The following KRT9 variants were observed in gnomAD, a reference collection of about 807,000 sequenced individuals.
KRT9 encodes keratin, type I cytoskeletal 9.
KRT9 carries 34 observed loss-of-function variants against 51.4 expected under a neutral mutation model. The ratio of observed to expected loss-of-function variants is 0.66; its 90% CI spans 0.50 to 0.88. The LOEUF (loss-of-function observed/expected upper bound fraction) is 0.88. KRT9 is among the 40% of genes least tolerant of loss of function. The pLI is 0.00. For missense variants in KRT9, 753 were observed against 790.3 expected (o/e 0.95, Z 0.57); for synonymous variants, 292 against 289.7 (o/e 1.01, Z -0.08).
rs1380566096 is a variant in KRT9, at chr17:41,569,342, A to G, written c.1044+84T>C. The G allele has an allele frequency of 1.5e-5, 20 of 1,314,380 alleles. No individual in the cohort carries two copies. The Admixed American group carries it at 3.8e-4, about 25-fold the overall frequency. The allele number at this position is 1,314,380 out of a possible 1,614,324, so 81.4% of individuals were successfully genotyped here. A position where few individuals can be genotyped will look rare whatever the true frequency, so the allele number is the denominator to read the frequency against. On this transcript the variant is annotated intron_variant, in intron 4 of 7. Coordinates refer to ENST00000246662, the MANE Select transcript of KRT9 (RefSeq NM_000226.4). ...CTGCACTGAGAGATGCAGAGATAGGAGGATGAAGGAATGGGAGGTGGGAGG... is the reference window on the plus strand; with the variant it reads ...CTGCACTGAGAGATGCAGAGATAGGGGGATGAAGGAATGGGAGGTGGGAGG...
chr17:41,566,717 G>T (rs1470866658), intron 7 of KRT9, among the ~76,000 whole-genome samples: 1 of 152,186 alleles, frequency 6.6e-6, no homozygotes, highest in Non-Finnish European at 1.5e-5. Context: ...TTTAGATTAT[G>T]TTCATCCTTT....
At chr17:41,571,094 T>A (rs202180973) in intron 1 of KRT9, among the ~76,000 whole-genome samples, 6 of 33,934 alleles carry the variant, frequency 1.8e-4, no homozygotes, top group Admixed American at 5.1e-4. Flanking sequence ...TCAGCTCACG[T>A]TAACCCAGGT....
rs150892974 is a variant in KRT9 at position 41,568,500 on chromosome 17, C to A, written c.1170+8G>T. On this transcript the variant is annotated splice_region_variant and intron_variant, in intron 5 of 7. Transcript: ENST00000246662. ...CCTTGGCAAAGGGTCTATAGCAGAA[C>A]TACCAACCTTGCTGAGCTGAGACTG... 8,880 of 1,614,210 alleles carry A rather than the reference C, an allele frequency of 5.5e-3. 23 individuals carry two copies. Among genetic ancestry groups the A allele is most frequent in the Non-Finnish European group, 6.6e-3 (7,751 of 1,180,040 alleles).
intron 6 of KRT9, 58 bp from the exon 7 acceptor site, chr17:41,567,808 G>T: frequency 6.2e-7 from 1 of 1,609,934 alleles, no homozygotes; most frequent in Non-Finnish European, 8.5e-7. Flanking sequence ...ACATATATGA[G>T]GATGGACCTG....
chr17:41,567,667 C>A lies in KRT9; in HGVS notation c.1478G>T (p.Ser493Ile). 6.2e-7 allele frequency: 1 copy of A among 1,611,816 alleles called. No individual in the cohort carries two copies. ...GSYGRGSRGG[S>I]GGSYGGGGSG... is the part of the protein sequence containing the mutation. ...TCCTCCTCCACCATAGCTGCCTCCA[C>A]TTCCTCCCCTGGATCCTCTTCCATA... Residue 493 changes from serine to isoleucine, a missense_variant, in exon 7 of 8, where the codon AGT becomes ATT. Ser to Ile is a moderately radical substitution (Grantham distance 142). Around this residue, in one of 3 missense-constraint regions of KRT9, gnomAD observed 507 missense variants for 563.7 expected, o/e 0.90. Coordinates refer to ENST00000246662, the MANE Select transcript of KRT9 (RefSeq NM_000226.4).
In KRT9 at chr17:41,572,011, C is replaced by G; in HGVS notation, c.-19G>C. 1 of 1,563,228 alleles carries G rather than the reference C, an allele frequency of 6.4e-7. No individual in the cohort carries two copies. The highest frequency in any genetic ancestry group is 8.6e-7 in the Non-Finnish European group (1 of 1,158,286). ...AGCTCATGACACAGCTGGTAGCTCACGGGTTGAGAAGCAGTGATAGGAGTG... is the reference window on the plus strand; with the variant it reads ...AGCTCATGACACAGCTGGTAGCTCAGGGGTTGAGAAGCAGTGATAGGAGTG... On this transcript the variant is annotated 5_prime_UTR_variant, in exon 1 of 8. Coordinates refer to ENST00000246662, the MANE Select transcript of KRT9 (RefSeq NM_000226.4).
At position 41,568,624 on chromosome 17, in the gene KRT9, T is replaced by C. The variant is rs1486245373; in HGVS notation, c.1054A>G (p.Ile352Val). 6.2e-7 allele frequency: 1 copy of C among 1,614,136 alleles called. No individual in the cohort carries two copies. The highest frequency in any genetic ancestry group is 8.5e-7 in the Non-Finnish European group (1 of 1,180,016). The change falls in exon 5 of 8, where the codon ATC becomes GTC. Residue 352 changes from isoleucine (I) to valine (V), a missense_variant. Ile to Val is a conservative substitution (Grantham distance 29). Coordinates refer to ENST00000246662, the MANE Select transcript of KRT9 (RefSeq NM_000226.4). ...CCACTACTGGATACCTCATGCTCGA[T>C]CTGGGTTATCTGCAAAACCAAAGGC... ...ENQYETQITQ[I>V]EHEVSSSGQE...
chr17:41,568,843 T>C (rs1291860276), intron 4 of KRT9, among the ~76,000 whole-genome samples: 2 of 151,216 alleles, frequency 1.3e-5, no homozygotes, highest in Non-Finnish European at 2.9e-5. Context: ...TGCAAGACCC[T>C]TCACGCTTTG....
chr17:41,569,693 G>T, intron 3 of KRT9, 106 bp from the exon 4 acceptor site: 1 of 1,526,856 alleles, frequency 6.5e-7, no homozygotes. Context: ...ACACAGTTGT[G>T]AAGCCAAAGC....
rs372978615 is a variant in KRT9, at chr17:41,570,152, A to G, written c.711T>C (p.Asp237=). The G allele has an allele frequency of 2.0e-5, 32 of 1,614,032 alleles. No individual in the cohort carries two copies. Among genetic ancestry groups the G allele is most frequent in the Non-Finnish European group, 2.6e-5 (31 of 1,180,004 alleles). The change falls in exon 2 of 8, where the codon GAT becomes GAC. Residue 237 remains aspartate (D), a synonymous_variant. Transcript: ENST00000246662. ...GCAGGACTCACTTTATCCTGAAGTC[A>G]TCCAGTGTCATGCGAGTGTTGTCAA... ...LDIDNTRMTL[D]DFRIKFEMEQ... is the part of the protein sequence containing the mutation.
chr17:41,567,697 C>A lies in KRT9; in HGVS notation c.1448G>T (p.Gly483Val), dbSNP rs1489175043. Reference protein sequence around the residue: ...IGLGGRGGSGGSYGRGSRGGS... With the variant: ...IGLGGRGGSGVSYGRGSRGGS... ...TCCCCTGGATCCTCTTCCATAACTG[C>A]CTCCACTTCCTCCTCGACCTCCAAG... is the stretch of plus-strand genomic sequence containing the variant. Residue 483 changes from glycine to valine, a missense_variant, in exon 7 of 8, where the codon GGC becomes GTC. Physicochemically the swap from Gly to Val is moderately radical, Grantham distance 109. Around this residue, in one of 3 missense-constraint regions of KRT9, gnomAD observed 507 missense variants for 563.7 expected, o/e 0.90. Coordinates refer to ENST00000246662, the MANE Select transcript of KRT9 (RefSeq NM_000226.4). 6.2e-7 allele frequency: 1 copy of A among 1,613,958 alleles called. No individual in the cohort carries two copies. The highest frequency in any genetic ancestry group is 8.5e-7 in the Non-Finnish European group (1 of 1,179,952).
Position 41,569,551 on chromosome 17 carries a change from C to T in KRT9, c.919G>A (p.Val307Ile), listed in dbSNP as rs201205902. The T allele has an allele frequency of 9.3e-6, 15 of 1,614,112 alleles. No homozygotes were observed. The highest frequency in any genetic ancestry group is 2.2e-5 in the East Asian group (1 of 44,884). The part of the protein sequence containing the change: ...SQLTGQNSGD[V>I]NVEINVAPGK... ...GGAGCAACGTTTATCTCCACATTGACATCTCCACTGTTCTGCCCAGTCAGC... is the reference window on the plus strand; with the variant it reads ...GGAGCAACGTTTATCTCCACATTGATATCTCCACTGTTCTGCCCAGTCAGC... The change falls in exon 4 of 8, where the codon GTC (valine) becomes ATC (isoleucine). Residue 307 changes from valine (V) to isoleucine (I), a missense_variant. Physicochemically the swap from Val to Ile is conservative, Grantham distance 29. Around this residue, in one of 3 missense-constraint regions of KRT9, gnomAD observed 507 missense variants for 563.7 expected, o/e 0.90. Coordinates refer to ENST00000246662, the MANE Select transcript of KRT9 (RefSeq NM_000226.4).
rs1478868415 is a variant in KRT9 at position 41,571,752 on chromosome 17, A to C, written c.241T>G (p.Phe81Val). 2 of 1,613,160 alleles carry C rather than the reference A, an allele frequency of 1.2e-6. No homozygotes were observed. Among genetic ancestry groups the C allele is most frequent in the Non-Finnish European group, 1.7e-6 (2 of 1,179,766 alleles). Residue 81 changes from phenylalanine to valine, a missense_variant, in exon 1 of 8, where the codon TTT becomes GTT. Around this residue, in one of 3 missense-constraint regions of KRT9, gnomAD observed 241 missense variants for 210.3 expected, o/e 1.15. Coordinates refer to ENST00000246662, the MANE Select transcript of KRT9 (RefSeq NM_000226.4). ...YSYGGGSGGG[F>V]SASSLGGGFG... ...CCACCGCCTAAACTACTGGCACTAA[A>C]ACCACCCCCAGATCCTCCGCCGTAG...
At chr17:41,569,257 T>C (rs1172922833) in intron 4 of KRT9, among the ~76,000 whole-genome samples, 169 bp downstream of exon 4, 2 of 152,164 alleles carry the variant, frequency 1.3e-5, no homozygotes, top group Non-Finnish European at 2.9e-5. Flanking sequence ...TGTAATGATG[T>C]TTGTATGCAG....
rs762317521 is a variant in KRT9, at chr17:41,571,425, C to T, written c.568G>A (p.Asp190Asn). ...DLENKIQDWY[D>N]KKGPAAIQKN... ...TGGATAGCAGCAGGTCCCTTCTTGT[C>T]GTACCAATCCTGGATCTTATTCTCC... Residue 190 changes from aspartate to asparagine, a missense_variant, in exon 1 of 8, where the codon GAC becomes AAC. Asp to Asn is a conservative substitution (Grantham distance 23, BLOSUM62 1). This residue lies in a region of KRT9 where 507 missense variants were observed against 563.7 expected (regional missense o/e 0.90). Transcript: ENST00000246662. The T allele has an allele frequency of 6.8e-6, 11 of 1,613,970 alleles. No homozygotes were observed. Among genetic ancestry groups the T allele is most frequent in the South Asian group, 6.6e-5 (6 of 91,076 alleles).
chr17:41,571,683 C>G lies in KRT9; in HGVS notation c.310G>C (p.Gly104Arg). The G allele has an allele frequency of 6.2e-7, 1 of 1,605,978 alleles. No individual in the cohort carries two copies. Among genetic ancestry groups the G allele is most frequent in the Non-Finnish European group, 8.5e-7 (1 of 1,176,284 alleles). ...SRGFGGASGG[G>R]YSSSGGFGGG... Reference sequence around the variant, plus strand: ...CCAAAACCCCCAGAACTACTATAGCCTCCTCCAGAAGCACCACCAAAACCT... The same window carrying G: ...CCAAAACCCCCAGAACTACTATAGCGTCCTCCAGAAGCACCACCAAAACCT... Residue 104 changes from glycine to arginine, a missense_variant, in exon 1 of 8, where the codon GGC becomes CGC. Coordinates refer to ENST00000246662, the MANE Select transcript of KRT9 (RefSeq NM_000226.4).
chr17:41,569,092 G>T (rs1447680085), intron 4 of KRT9, among the ~76,000 whole-genome samples: 1 of 152,160 alleles, frequency 6.6e-6, no homozygotes, highest in South Asian at 2.1e-4. Flanking sequence ...ACATTACATA[G>T]CATTAGATTA....
At position 41,567,409 on chromosome 17, in the gene KRT9, C is replaced by G; in HGVS notation, c.1736G>C (p.Arg579Thr). ...GGGYGGGSGS[R>T]GGSGGSHGGG... ...ACCATGGCTGCCTCCACTTCCTCCC[C>G]TGGACCCACTTCCTCCACCATAGCC... The change falls in exon 7 of 8, where the codon AGG becomes ACG. Residue 579 changes from arginine to threonine, a missense_variant. By Grantham distance (71) the Arg-to-Thr change is moderately conservative. Coordinates refer to ENST00000246662, the MANE Select transcript of KRT9 (RefSeq NM_000226.4). 3 of 1,580,236 alleles carry G rather than the reference C, an allele frequency of 1.9e-6. No individual in the cohort carries two copies. Among genetic ancestry groups the G allele is most frequent in the Non-Finnish European group, 2.6e-6 (3 of 1,161,998 alleles).
intron 7 of KRT9, among the ~76,000 whole-genome samples, chr17:41,566,684 C>T (rs1906886050): frequency 6.6e-6 from 1 of 152,228 alleles, no homozygotes; most frequent in Admixed American, 6.5e-5. Context: ...GAGACCAACT[C>T]ACCTGTGTGA....
Sources: gnomAD v4.1 joint callset for allele counts (sites outside exome capture counted in the v4.1 genomes callset) on GRCh38, gnomAD v4.1.1 for gene constraint, gnomAD v4.1.1 regional missense constraint, MANE v1.5 for transcripts, NCBI Gene and HGNC (gene_info 2026-07-23, HGNC 2026-07-21) for gene names.